The following CHRM3 variants were observed in gnomAD, a reference collection of about 807,000 sequenced individuals.
CHRM3 encodes muscarinic acetylcholine receptor M3.
A neutral mutation model predicts 41.8 loss-of-function variants in CHRM3; 11 were observed. The ratio of observed to expected loss-of-function variants is 0.26; its 90% CI spans 0.17 to 0.44. CHRM3 has a LOEUF of 0.44. Ranked by LOEUF, CHRM3 falls within the 20% of genes least tolerant of loss-of-function variation. The pLI, the probability that CHRM3 is intolerant of heterozygous loss-of-function variation, is 1.00. For missense variants in CHRM3, 571 were observed against 745.4 expected (o/e 0.77, Z 2.72); for synonymous variants, 297 against 301.4 (o/e 0.99, Z 0.15).
chr1:239,639,307 A>T (rs1321740304), intron 4 of CHRM3, among the ~76,000 whole-genome samples: 1 of 152,180 alleles, frequency 6.6e-6, no homozygotes, highest in Non-Finnish European at 1.5e-5. Flanking sequence ...GAAGAAAGTC[A>T]TTGGTAGCTT....
chr1:239,804,885 T>C (rs1169288779), intron 5 of CHRM3, among the ~76,000 whole-genome samples: 1 of 152,212 alleles, frequency 6.6e-6, no homozygotes, highest in Non-Finnish European at 1.5e-5. Context: ...TCTTTTCTTC[T>C]CTTTAAAATG....
Position 239,804,747 on chromosome 1 carries a change from C to T in CHRM3, c.-146-22505C>T, listed in dbSNP as rs1284334274. 4.6e-5 allele frequency among the ~76,000 whole-genome samples: 7 copies of T among 152,192 alleles called. 1 individual carries two copies. The highest frequency in any genetic ancestry group is 4.6e-4 in the Admixed American group (7 of 15,282). On this transcript the variant is annotated intron_variant, in intron 5 of 6. Coordinates refer to ENST00000676153, the MANE Select transcript of CHRM3 (RefSeq NM_001375978.1). The stretch of plus-strand genomic sequence containing the variant: ...TTCTTCCTAATCGATGCCGAGGAGG[C>T]AGCAGAAGATAGAATTATGATTCTT...
At chr1:239,794,296 G>A (rs577095907) in intron 5 of CHRM3, among the ~76,000 whole-genome samples, 2 of 151,888 alleles carry the variant, frequency 1.3e-5, no homozygotes, top group South Asian at 2.1e-4. Flanking sequence ...TGACATGCAC[G>A]TGGTTACAGA....
chr1:239,734,312 C>G (rs963524323), intron 5 of CHRM3, among the ~76,000 whole-genome samples: 1 of 151,972 alleles, frequency 6.6e-6, no homozygotes, highest in South Asian at 2.1e-4. Context: ...GAGGTCATGT[C>G]GAAAGGACTC....
At chr1:239,811,730 A>G (rs2148985255) in intron 5 of CHRM3, among the ~76,000 whole-genome samples, 1 of 152,316 alleles carries the variant, frequency 6.6e-6, no homozygotes, top group East Asian at 1.9e-4. Flanking sequence ...TGCTTTGCAT[A>G]TTTTATGTGG....
chr1:239,864,853 G>A (rs1000877944), intron 6 of CHRM3, among the ~76,000 whole-genome samples: 6 of 152,088 alleles, frequency 3.9e-5, no homozygotes, highest in African/African-American at 1.4e-4. Context: ...AGACTAACAG[G>A]CATGGTGACA....
intron 4 of CHRM3, among the ~76,000 whole-genome samples, chr1:239,637,092 G>C (rs1189483277): frequency 3.9e-5 from 6 of 152,074 alleles, no homozygotes; most frequent in Non-Finnish European, 7.4e-5. Flanking sequence ...TCCAAATAAA[G>C]TCTTTTCAAA....
intron 3 of CHRM3, among the ~76,000 whole-genome samples, chr1:239,602,068 A>T (rs1665616250): frequency 6.8e-6 from 1 of 147,426 alleles, no homozygotes. Flanking sequence ...ATATGCACAC[A>T]TATGTACACA....
chr1:239,827,868 T>C (rs541100237), intron 6 of CHRM3, among the ~76,000 whole-genome samples: 1 of 152,334 alleles, frequency 6.6e-6, no homozygotes, highest in South Asian at 2.1e-4. Context: ...TGTCTAAGTG[T>C]GAAAAACTAG....
chr1:239,881,282 CAAAA>C (rs71567253), intron 6 of CHRM3, among the ~76,000 whole-genome samples: 4 of 33,990 alleles, frequency 1.2e-4, no homozygotes, highest in Non-Finnish European at 1.5e-4. Context: ...GACTCCGTCT[CAAAA>C]AAAAAAAAAA....
chr1:239,530,894 A>C (rs1670358358), intron 2 of CHRM3, among the ~76,000 whole-genome samples: 1 of 152,210 alleles, frequency 6.6e-6, no homozygotes. Flanking sequence ...AAGGCAGAAA[A>C]GGCAGAAAAC....
intron 5 of CHRM3, among the ~76,000 whole-genome samples, chr1:239,689,655 G>A (rs1428717394): frequency 2.6e-5 from 4 of 152,096 alleles, no homozygotes; most frequent in African/African-American, 9.7e-5. Flanking sequence ...TCCTAACAGC[G>A]GGATATCTAT....
At chr1:239,568,394 G>T (rs1490759756) in intron 3 of CHRM3, among the ~76,000 whole-genome samples, 1 of 152,062 alleles carries the variant, frequency 6.6e-6, no homozygotes, top group Non-Finnish European at 1.5e-5. Context: ...CTTTTCGCTT[G>T]CCTCTCATTC....
At chr1:239,661,162 T>C (rs1673159760) in intron 4 of CHRM3, among the ~76,000 whole-genome samples, 1 of 152,206 alleles carries the variant, frequency 6.6e-6, no homozygotes, top group Non-Finnish European at 1.5e-5. Flanking sequence ...AGAACTCCTA[T>C]TTTTAAATGT....
At chr1:239,550,860 G>GCCAC in intron 3 of CHRM3, among the ~76,000 whole-genome samples, 1 of 152,138 alleles carries the variant, frequency 6.6e-6, no homozygotes, top group South Asian at 2.1e-4. Flanking sequence ...GTTAACTGAA[G>GCCAC]GTGGAATGAC....
chr1:239,456,552 T>C (rs1042009687), intron 1 of CHRM3, among the ~76,000 whole-genome samples: 1 of 152,164 alleles, frequency 6.6e-6, no homozygotes, highest in Non-Finnish European at 1.5e-5. Context: ...GACAGAATCA[T>C]CTAAGGAGGC....
At chr1:239,843,139 C>T (rs887326195) in intron 6 of CHRM3, among the ~76,000 whole-genome samples, 15 of 152,104 alleles carry the variant, frequency 9.9e-5, no homozygotes, top group African/African-American at 3.1e-4. Flanking sequence ...AAATTTACTT[C>T]GCTCAAACAA....
At chr1:239,793,803 A>ATTTTTGTTTTTTT (rs1669532240) in intron 5 of CHRM3, among the ~76,000 whole-genome samples, 1 of 69,496 alleles carries the variant, frequency 1.4e-5, no homozygotes, top group African/African-American at 6.2e-5. Flanking sequence ...TGAAATGTGT[A>ATTTTTGTTTTTTT]TTTTTTTTTT....
chr1:239,778,571 TG>T (rs1466210844), intron 5 of CHRM3, among the ~76,000 whole-genome samples: 1 of 152,204 alleles, frequency 6.6e-6, no homozygotes, highest in African/African-American at 2.4e-5. Context: ...CCTCCTGACC[TG>T]GATCATTCCC....
Sources: allele counts gnomAD v4.1 joint callset (sites outside exome capture counted in the v4.1 genomes callset), GRCh38; gene constraint gnomAD v4.1.1; transcripts MANE v1.5; gene names NCBI Gene and HGNC (gene_info 2026-07-23, HGNC 2026-07-21).